ROBO2: variants seen among roughly 807,000 people sequenced by gnomAD.
ROBO2 encodes the protein roundabout guidance receptor 2.
ROBO2 carries 53 observed loss-of-function variants against 160.8 expected under a neutral mutation model. The ratio of observed to expected loss-of-function variants is 0.33; its 90% CI spans 0.26 to 0.41. The LOEUF (loss-of-function observed/expected upper bound fraction) is 0.41. Among genes scored for constraint, ROBO2 ranks in the 10% least tolerant of loss-of-function variants. The probability of loss-of-function intolerance (pLI) is 1.00; values close to 1 mark genes in which losing one functional copy is unlikely to be tolerated. For missense variants in ROBO2, 1,577 were observed against 1,722.4 expected (o/e 0.92, Z 1.49); for synonymous variants, 664 against 611.7 (o/e 1.09, Z -1.26).
At chr3:76,640,972 A>C (rs2090646161) in intron 2 of ROBO2, among the ~76,000 whole-genome samples, 1 of 152,228 alleles carries the variant, frequency 6.6e-6, no homozygotes, top group Non-Finnish European at 1.5e-5. Context: ...CCATGAGTCT[A>C]ACATAAATTA....
At chr3:75,951,891 C>A (rs1366510436) in intron 2 of ROBO2, among the ~76,000 whole-genome samples, 1 of 151,946 alleles carries the variant, frequency 6.6e-6, no homozygotes, top group East Asian at 1.9e-4. Context: ...TTATTCTCAG[C>A]AACTGTATTG....
At chr3:75,937,175 A>G (rs1947820830) in intron 1 of ROBO2, among the ~76,000 whole-genome samples, 2 of 152,122 alleles carry the variant, frequency 1.3e-5, no homozygotes, top group Admixed American at 1.3e-4. Context: ...TTTTTGCTTG[A>G]CTGAACTCCA....
chr3:76,213,493 A>G (rs941903867), intron 2 of ROBO2, among the ~76,000 whole-genome samples: 11 of 152,284 alleles, frequency 7.2e-5, no homozygotes, highest in African/African-American at 2.6e-4. Flanking sequence ...GGTTCCATAG[A>G]TAATATTCAA....
chr3:76,824,077 C>A (rs1404351648), intron 2 of ROBO2, among the ~76,000 whole-genome samples: 2 of 152,128 alleles, frequency 1.3e-5, no homozygotes, highest in African/African-American at 2.4e-5. Context: ...TTTAGGGCAA[C>A]GTTGTCTTCT....
intron 2 of ROBO2, among the ~76,000 whole-genome samples, chr3:76,268,451 A>ATGC (rs1707229235): frequency 6.6e-6 from 1 of 152,188 alleles, no homozygotes; most frequent in Admixed American, 6.6e-5. Context: ...CAGTGTCAAT[A>ATGC]TGCCAGTCGT....
chr3:77,305,249 A>C (rs2063000255), intron 2 of ROBO2, among the ~76,000 whole-genome samples: 1 of 152,250 alleles, frequency 6.6e-6, no homozygotes, highest in Non-Finnish European at 1.5e-5. Context: ...CTTATTGTCA[A>C]TGTGGAATTT....
intron 2 of ROBO2, among the ~76,000 whole-genome samples, chr3:76,725,192 T>A (rs1002418726): frequency 1.3e-5 from 2 of 152,086 alleles, no homozygotes; most frequent in East Asian, 3.9e-4. Flanking sequence ...TTTTTTCAAA[T>A]TTTCTACTCT....
chr3:77,173,581 A>G (rs565249938), intron 2 of ROBO2, among the ~76,000 whole-genome samples: 4 of 152,094 alleles, frequency 2.6e-5, no homozygotes, highest in African/African-American at 7.2e-5. Flanking sequence ...TTAACCTTTT[A>G]TGACCCGCAA....
At chr3:76,735,913 G>A (rs369910686) in intron 2 of ROBO2, among the ~76,000 whole-genome samples, 2 of 151,636 alleles carry the variant, frequency 1.3e-5, no homozygotes, top group South Asian at 4.2e-4. Flanking sequence ...ACAAACCTGT[G>A]CACACCCCTA....
At chr3:76,194,014 T>G (rs982132820) in intron 2 of ROBO2, among the ~76,000 whole-genome samples, 1 of 152,092 alleles carries the variant, frequency 6.6e-6, no homozygotes, top group Admixed American at 6.6e-5. Flanking sequence ...AGAATAAGGA[T>G]TTGAACTCAG....
intron 2 of ROBO2, among the ~76,000 whole-genome samples, chr3:76,001,583 G>C (rs932913241): frequency 6.6e-6 from 1 of 152,050 alleles, no homozygotes; most frequent in Non-Finnish European, 1.5e-5. Flanking sequence ...TGTCACCCAG[G>C]CTGCAGTGCA....
intron 2 of ROBO2, among the ~76,000 whole-genome samples, chr3:76,738,386 G>A (rs922003441): frequency 6.6e-6 from 1 of 152,096 alleles, no homozygotes; most frequent in African/African-American, 2.4e-5. Context: ...GACCTTTTGG[G>A]CCAAATAATA....
At chr3:76,787,064 C>A (rs1395990636) in intron 2 of ROBO2, among the ~76,000 whole-genome samples, 1 of 150,892 alleles carries the variant, frequency 6.6e-6, no homozygotes, top group African/African-American at 2.4e-5. Flanking sequence ...TTCAAACAAC[C>A]AGGTCTCATG....
At chr3:76,775,230 T>C (rs1322203666) in intron 2 of ROBO2, among the ~76,000 whole-genome samples, 1 of 150,712 alleles carries the variant, frequency 6.6e-6, no homozygotes, top group African/African-American at 2.4e-5. Context: ...CAGAAATGTT[T>C]TTACTGTTTT....
intron 2 of ROBO2, among the ~76,000 whole-genome samples, chr3:76,142,518 A>G (rs9850106): frequency 0.037 from 5,621 of 152,088 alleles, 335 homozygotes; most frequent in African/African-American, 0.13. Context: ...AACAACATGG[A>G]TGGTACTGGA....
intron 2 of ROBO2, among the ~76,000 whole-genome samples, chr3:76,326,399 G>T (rs1023625033): frequency 3.3e-5 from 5 of 151,928 alleles, no homozygotes; most frequent in African/African-American, 1.2e-4. Context: ...CAGATAAATG[G>T]ATGAGTGTGT....
chr3:76,554,684 A>G (rs2083603092), intron 2 of ROBO2, among the ~76,000 whole-genome samples: 1 of 152,056 alleles, frequency 6.6e-6, no homozygotes, highest in Non-Finnish European at 1.5e-5. Context: ...AGGATCGACA[A>G]CCATGTAGGG....
chr3:75,965,284 T>A (rs1158251456), intron 2 of ROBO2, among the ~76,000 whole-genome samples: 5 of 151,854 alleles, frequency 3.3e-5, no homozygotes, highest in Non-Finnish European at 7.4e-5. Context: ...GTTGCAGATA[T>A]GGATATGAAG....
chr3:76,978,944 TAAAAA>T (rs879743178), intron 2 of ROBO2, among the ~76,000 whole-genome samples: 2 of 141,432 alleles, frequency 1.4e-5, no homozygotes, highest in African/African-American at 2.6e-5. Flanking sequence ...GTTTGTTTTT[TAAAAA>T]AAAAAAAAAG....
Sources: gnomAD v4.1 joint callset for allele counts (sites outside exome capture counted in the v4.1 genomes callset) on GRCh38, gnomAD v4.1.1 for gene constraint, MANE v1.5 for transcripts, NCBI Gene and HGNC (gene_info 2026-07-23, HGNC 2026-07-21) for gene names.